Variants in FRMD4A observed in about 807,000 individuals in gnomAD.
FRMD4A encodes the protein FERM domain containing 4A.
A neutral mutation model predicts 129.1 loss-of-function variants in FRMD4A; 29 were observed. The observed-to-expected ratio is 0.22, with a 90% CI of 0.17 to 0.31. The LOEUF is 0.31. Ranked by LOEUF, FRMD4A falls within the 10% of genes least tolerant of loss-of-function variation. FRMD4A has a pLI of 1.00. For missense variants in FRMD4A, 1,272 were observed against 1,375.8 expected (o/e 0.92, Z 1.19); for synonymous variants, 634 against 571.6 (o/e 1.11, Z -1.56).
At chr10:14,161,677 G>C (rs1840893950) in intron 2 of FRMD4A, among the ~76,000 whole-genome samples, 1 of 152,116 alleles carries the variant, frequency 6.6e-6, no homozygotes, top group Non-Finnish European at 1.5e-5. Context: ...TGTTGGAGAG[G>C]GGACATGAGG....
chr10:13,980,004 C>T (rs188602732), intron 2 of FRMD4A, among the ~76,000 whole-genome samples: 1 of 152,274 alleles, frequency 6.6e-6, no homozygotes, highest in Admixed American at 6.5e-5. Flanking sequence ...CAACACTCAC[C>T]ACGGCATTCA....
intron 2 of FRMD4A, among the ~76,000 whole-genome samples, chr10:14,258,428 G>T (rs953297626): frequency 2.0e-5 from 3 of 151,882 alleles, no homozygotes; most frequent in Non-Finnish European, 4.4e-5. Flanking sequence ...TACAAGGATG[G>T]CAAATAAGCA....
intron 2 of FRMD4A, among the ~76,000 whole-genome samples, chr10:13,973,658 T>C (rs1026900252): frequency 6.7e-6 from 1 of 149,644 alleles, no homozygotes; most frequent in African/African-American, 2.5e-5. Context: ...AAAAACCCCA[T>C]CACCAGAAAG....
At chr10:14,206,677 T>C (rs965121708) in intron 2 of FRMD4A, among the ~76,000 whole-genome samples, 1 of 151,820 alleles carries the variant, frequency 6.6e-6, no homozygotes, top group South Asian at 2.1e-4. Context: ...CGTGGTGGCA[T>C]GCTCCTGTAA....
intron 2 of FRMD4A, among the ~76,000 whole-genome samples, chr10:13,998,662 T>C (rs983835369): frequency 6.6e-6 from 1 of 152,114 alleles, no homozygotes; most frequent in African/African-American, 2.4e-5. Flanking sequence ...CGTTCTTGAC[T>C]CCTGTCTTCC....
At chr10:14,165,670 C>G (rs1439646593) in intron 2 of FRMD4A, among the ~76,000 whole-genome samples, 1 of 152,196 alleles carries the variant, frequency 6.6e-6, no homozygotes, top group African/African-American at 2.4e-5. Flanking sequence ...GAATACTACA[C>G]AGCCATAAAA....
At chr10:13,679,766 C>T (rs560027344) in intron 15 of FRMD4A, among the ~76,000 whole-genome samples, 4 of 152,146 alleles carry the variant, frequency 2.6e-5, no homozygotes, top group South Asian at 2.1e-4. Flanking sequence ...GAGCTTTCAC[C>T]GCTGCTCTAC....
chr10:14,279,254 T>A (rs1467176120), intron 2 of FRMD4A, among the ~76,000 whole-genome samples: 2 of 145,104 alleles, frequency 1.4e-5, no homozygotes, highest in Non-Finnish European at 3.0e-5. Context: ...AGTGGCGCCA[T>A]CCTGGCTCAC....
intron 2 of FRMD4A, among the ~76,000 whole-genome samples, chr10:14,092,316 T>G (rs1211763647): frequency 6.6e-6 from 1 of 152,202 alleles, no homozygotes; most frequent in Non-Finnish European, 1.5e-5. Context: ...TGGACAGTGA[T>G]TGAAAGCATT....
chr10:14,119,268 G>C (rs1024077653), intron 2 of FRMD4A, among the ~76,000 whole-genome samples: 7 of 152,136 alleles, frequency 4.6e-5, no homozygotes, highest in African/African-American at 1.4e-4. Flanking sequence ...AGCATCCTTA[G>C]GCCAGAATGA....
Position 13,654,527 on chromosome 10 carries a change from T to C in FRMD4A, c.2954-15A>G. ...AGGTAAGGCAGCTACATGCAGGTGGTGCAAGAAAGGCAGAGAGCAGACAGG... is the reference window on the plus strand; with the variant it reads ...AGGTAAGGCAGCTACATGCAGGTGGCGCAAGAAAGGCAGAGAGCAGACAGG... On this transcript the variant is annotated splice_polypyrimidine_tract_variant and intron_variant, in intron 22 of 24. Transcript: ENST00000357447. The C allele has an allele frequency of 6.4e-7, 1 of 1,560,814 alleles. No individual in the cohort carries two copies. The highest frequency in any genetic ancestry group is 8.8e-7 in the Non-Finnish European group (1 of 1,132,246).
intron 2 of FRMD4A, chr10:14,008,162 CTGTGTGTGTGTGTGTG>C (rs752913059): frequency 1.9e-4 from 117 of 630,236 alleles, no homozygotes; most frequent in African/African-American, 1.2e-3. Context: ...TGGTGTACAG[CTGTGTGTGTGTGTGTG>C]TGTGTGTGTG....
At chr10:13,935,021 T>C (rs1442227299) in intron 2 of FRMD4A, among the ~76,000 whole-genome samples, 3 of 152,142 alleles carry the variant, frequency 2.0e-5, no homozygotes, top group Non-Finnish European at 2.9e-5. Flanking sequence ...AGGGCCTCTT[T>C]TACAAGAGCA....
intron 21 of FRMD4A, among the ~76,000 whole-genome samples, chr10:13,658,711 T>C (rs147140191): frequency 0.012 from 1,885 of 152,154 alleles, 46 homozygotes; most frequent in African/African-American, 0.043. Flanking sequence ...TGAAACCCCG[T>C]CTCTACTAAA....
intron 3 of FRMD4A, among the ~76,000 whole-genome samples, chr10:13,849,721 C>T (rs1411731667): frequency 1.3e-5 from 2 of 151,428 alleles, no homozygotes; most frequent in Non-Finnish European, 2.9e-5. Flanking sequence ...TCAGGTGACC[C>T]ACCCGCCTCG....
At chr10:13,855,371 G>A (rs2094198994) in intron 3 of FRMD4A, among the ~76,000 whole-genome samples, 1 of 152,150 alleles carries the variant, frequency 6.6e-6, no homozygotes, top group Admixed American at 6.5e-5. Flanking sequence ...AGCCTTTGAT[G>A]AGTATGCTAT....
At chr10:14,119,297 GT>G (rs1432680648) in intron 2 of FRMD4A, among the ~76,000 whole-genome samples, 1 of 152,166 alleles carries the variant, frequency 6.6e-6, no homozygotes, top group African/African-American at 2.4e-5. Flanking sequence ...AAAGTGAGCG[GT>G]TCATATGCTC....
chr10:14,300,566 T>C (rs993732257), intron 2 of FRMD4A, among the ~76,000 whole-genome samples: 1 of 152,232 alleles, frequency 6.6e-6, no homozygotes, highest in Non-Finnish European at 1.5e-5. Flanking sequence ...ACTGGGTCTG[T>C]AGTGGCAACC....
At chr10:13,994,304 C>G (rs560419927) in intron 2 of FRMD4A, among the ~76,000 whole-genome samples, 1 of 151,672 alleles carries the variant, frequency 6.6e-6, no homozygotes. Flanking sequence ...CTCAGCCTCC[C>G]GAGTAGCTGG....
Sources: gnomAD v4.1 joint callset for allele counts (sites outside exome capture counted in the v4.1 genomes callset) on GRCh38, gnomAD v4.1.1 for gene constraint, MANE v1.5 for transcripts, NCBI Gene and HGNC (gene_info 2026-07-23, HGNC 2026-07-21) for gene names.